Variants in ZNF316 observed in about 807,000 individuals in gnomAD.
ZNF316 encodes the protein zinc finger protein 316.
A neutral mutation model predicts 75.6 loss-of-function variants in ZNF316; 23 were observed. The observed-to-expected ratio is 0.30, with a 90% CI of 0.22 to 0.43. The LOEUF is 0.43. Ranked by LOEUF, ZNF316 falls within the 20% of genes least tolerant of loss-of-function variation. The pLI, the probability that ZNF316 is intolerant of heterozygous loss-of-function variation, is 1.00. For synonymous variants in ZNF316, 827 were observed against 666.2 expected (o/e 1.24, Z -3.72); for missense variants, 1,266 against 1,409.4 (o/e 0.90, Z 1.63).
chr7:6,645,632 C>G (rs1409465740), intron 8 of ZNF316, among the ~76,000 whole-genome samples: 1 of 148,986 alleles, frequency 6.7e-6, no homozygotes, highest in Non-Finnish European at 1.5e-5. Flanking sequence ...TGTAGTGAGC[C>G]GAGGTTGTAC....
chr7:6,653,274 G>A lies in ZNF316; in HGVS notation c.1678G>A (p.Ala560Thr), dbSNP rs1330846491. 8.1e-7 allele frequency: 1 copy of A among 1,227,940 alleles called. No individual in the cohort carries two copies. The highest frequency in any genetic ancestry group is 4.1e-5 in the South Asian group (1 of 24,322). The allele number at this position is 1,227,940 out of a possible 1,614,324, so 76.1% of individuals were successfully genotyped here. ...EAAAEEREEA[A>T]VAAPTPSGKV... ...CGCGGCCGAGGAGAGAGAGGAGGCG[G>A]CGGTGGCGGCGCCCACCCCCAGCGG... The change falls in exon 9 of 9, where the codon GCG becomes ACG. Residue 560 changes from alanine to threonine, a missense_variant. Ala to Thr is a moderately conservative substitution (Grantham distance 58). Around this residue, in one of 3 missense-constraint regions of ZNF316, gnomAD observed 961 missense variants for 990.9 expected, o/e 0.97. Transcript: ENST00000382252.
In ZNF316 at chr7:6,642,976, C is replaced by G. The variant is rs145062142; in HGVS notation, c.368C>G (p.Ser123Cys). Reference protein sequence around the residue: ...PVLQEKGLQASRAPATPRDED... With the variant: ...PVLQEKGLQACRAPATPRDED... ...TCTCTCCCCACAGGCCTGCAGGCCT[C>G]CCGGGCTCCAGCCACTCCTAGGGAT... The change falls in exon 6 of 9, where the codon TCC (serine) becomes TGC (cysteine). Residue 123 changes from serine (S) to cysteine (C), a missense_variant. Around this residue, in one of 3 missense-constraint regions of ZNF316, gnomAD observed 961 missense variants for 990.9 expected, o/e 0.97. Transcript: ENST00000382252. This position sits in a 1 kb window ranked among gnomAD's most constrained non-coding sequence, Gnocchi z 8.1. The G allele has an allele frequency of 0.02, 24,598 of 1,232,078 alleles. 284 individuals carry two copies. The highest frequency in any genetic ancestry group is 0.023 in the Middle Eastern group (80 of 3,434). 76.3% of individuals were successfully genotyped at this position (1,232,078 alleles called of 1,614,324 possible). A position where few individuals can be genotyped will look rare whatever the true frequency, so the allele number is the denominator to read the frequency against.
intron 7 of ZNF316, among the ~76,000 whole-genome samples, 176 bp from the exon 8 acceptor site, chr7:6,644,304 G>A (rs1779360274): frequency 6.6e-6 from 1 of 152,128 alleles, no homozygotes; most frequent in Non-Finnish European, 1.5e-5. Flanking sequence ...GGGCAGGGGA[G>A]GACAGGGAAA....
chr7:6,648,290 C>T (rs1779445501), intron 8 of ZNF316, among the ~76,000 whole-genome samples: 1 of 152,106 alleles, frequency 6.6e-6, no homozygotes, highest in African/African-American at 2.4e-5. Flanking sequence ...GGCCAGGGGC[C>T]TATCTAGGAT....
chr7:6,638,303 G>A (rs1440895518), intron 2 of ZNF316, among the ~76,000 whole-genome samples: 3 of 152,158 alleles, frequency 2.0e-5, no homozygotes, highest in African/African-American at 7.2e-5. Context: ...CAGGAAAGTA[G>A]GGGGATCCAG....
rs879690971 is a variant in ZNF316, at chr7:6,652,418, C to T, written c.822C>T (p.Tyr274=). Residue 274 remains tyrosine (Y), a synonymous_variant, in exon 9 of 9, where the codon TAC becomes TAT. Coordinates refer to ENST00000382252, the MANE Select transcript of ZNF316 (RefSeq NM_001278559.2). ...NEPPGLWSAA[Y]GVGDVPGTWG... ...CCCCAGGGCTCTGGTCGGCGGCCTA[C>T]GGCGTGGGGGACGTGCCTGGGACGT... The T allele has an allele frequency of 4.9e-6, 6 of 1,232,064 alleles. No homozygotes were observed. Among genetic ancestry groups the T allele is most frequent in the Admixed American group, 4.2e-5 (1 of 23,708 alleles). The allele number at this position is 1,232,064 out of a possible 1,614,324, so 76.3% of individuals were successfully genotyped here.
rs1380334671 is a variant in ZNF316 at position 6,653,168 on chromosome 7, G to A, written c.1572G>A (p.Thr524=). The stretch of plus-strand genomic sequence containing the variant: ...GCCCCCGGCGGGAGCCCGGCGAGAC[G>A]GCGGCCGCCGCGGGGCCCGAGGACA... ...GDGPRREPGE[T]AAAAGPEDTD... Residue 524 remains threonine (T), a synonymous_variant, in exon 9 of 9, where the codon ACG becomes ACA. Coordinates refer to ENST00000382252, the MANE Select transcript of ZNF316 (RefSeq NM_001278559.2). 16 of 1,199,284 alleles carry A rather than the reference G, an allele frequency of 1.3e-5. No individual in the cohort carries two copies. The highest frequency in any genetic ancestry group is 1.2e-5 in the Non-Finnish European group (12 of 967,520). The allele number at this position is 1,199,284 out of a possible 1,614,324, so 74.3% of individuals were successfully genotyped here.
At position 6,653,186 on chromosome 7, in the gene ZNF316, C is replaced by T. The variant is rs1779544820; in HGVS notation, c.1590C>T (p.Pro530=). The change falls in exon 9 of 9, where the codon CCC becomes CCT. Residue 530 remains proline (P), a synonymous_variant. Coordinates refer to ENST00000382252, the MANE Select transcript of ZNF316 (RefSeq NM_001278559.2). The part of the protein sequence containing the change: ...EPGETAAAAG[P]EDTDPGPEGS... ...GCGAGACGGCGGCCGCCGCGGGGCC[C>T]GAGGACACGGACCCTGGGCCAGAGG... 6 of 1,213,870 alleles carry T rather than the reference C, an allele frequency of 4.9e-6. No homozygotes were observed. Among genetic ancestry groups the T allele is most frequent in the Admixed American group, 4.3e-5 (1 of 22,998 alleles). The allele number at this position is 1,213,870 out of a possible 1,614,324, so 75.2% of individuals were successfully genotyped here. A position where few individuals can be genotyped will look rare whatever the true frequency, so the allele number is the denominator to read the frequency against.
At position 6,652,420 on chromosome 7, in the gene ZNF316, G is replaced by A. The variant is rs1779523132; in HGVS notation, c.824G>A (p.Gly275Asp). Residue 275 changes from glycine to aspartate, a missense_variant, in exon 9 of 9, where the codon GGC becomes GAC. By Grantham distance (94) the Gly-to-Asp change is moderately conservative (BLOSUM62 -1). Around this residue, in one of 3 missense-constraint regions of ZNF316, gnomAD observed 961 missense variants for 990.9 expected, o/e 0.97. Coordinates refer to ENST00000382252, the MANE Select transcript of ZNF316 (RefSeq NM_001278559.2). ...EPPGLWSAAY[G>D]VGDVPGTWGP... ...CCAGGGCTCTGGTCGGCGGCCTACG[G>A]CGTGGGGGACGTGCCTGGGACGTGG... 1.6e-6 allele frequency: 2 copies of A among 1,232,246 alleles called. No individual in the cohort carries two copies. The highest frequency in any genetic ancestry group is 2.0e-6 in the Non-Finnish European group (2 of 988,028). 76.3% of individuals were successfully genotyped at this position (1,232,246 alleles called of 1,614,324 possible).
At chr7:6,644,616 G>T in intron 8 of ZNF316, 23 bp downstream of exon 8, 1 of 1,205,560 alleles carries the variant, frequency 8.3e-7, no homozygotes, top group Admixed American at 4.2e-5. Flanking sequence ...GGAATTTTGC[G>T]GTTTGTGCCG....
chr7:6,656,040 C>T lies in ZNF316; in HGVS notation c.*1429C>T, dbSNP rs1779620335. 1 of 152,274 alleles carries T rather than the reference C, an allele frequency of 6.6e-6. No individual in the cohort carries two copies. The highest frequency in any genetic ancestry group is 1.5e-5 in the Non-Finnish European group (1 of 68,152). The allele number at this position is 152,274 out of a possible 1,614,324, so 9.4% of individuals were successfully genotyped here. ...CCCTCCACGTTAGTGTAGACATGGCCTTGGGGGCTGAGCGCAGCAGCCAGG... is the reference window on the plus strand; with the variant it reads ...CCCTCCACGTTAGTGTAGACATGGCTTTGGGGGCTGAGCGCAGCAGCCAGG... On this transcript the variant is annotated 3_prime_UTR_variant, in exon 9 of 9. Coordinates refer to ENST00000382252, the MANE Select transcript of ZNF316 (RefSeq NM_001278559.2).
rs1779543633 is a variant in ZNF316 at position 6,653,156 on chromosome 7, G to A, written c.1560G>A (p.Glu520=). ...CGGGTGGTGACGGCCCCCGGCGGGA[G>A]CCCGGCGAGACGGCGGCCGCCGCGG... ...AEAGGDGPRR[E]PGETAAAAGP... is the part of the protein sequence containing the mutation. Residue 520 remains glutamate (E), a synonymous_variant, in exon 9 of 9, where the codon GAG becomes GAA. Coordinates refer to ENST00000382252, the MANE Select transcript of ZNF316 (RefSeq NM_001278559.2). 8.4e-7 allele frequency: 1 copy of A among 1,187,796 alleles called. No homozygotes were observed. The highest frequency in any genetic ancestry group is 4.2e-5 in the South Asian group (1 of 24,024). 73.6% of individuals were successfully genotyped at this position (1,187,796 alleles called of 1,614,324 possible). A position where few individuals can be genotyped will look rare whatever the true frequency, so the allele number is the denominator to read the frequency against.
rs900945708 is a variant in ZNF316 at position 6,653,738 on chromosome 7, G to A, written c.2142G>A (p.Ala714=). The A allele has an allele frequency of 5.6e-5, 61 of 1,098,596 alleles. No individual in the cohort carries two copies. In the African/African-American group the frequency reaches 8.6e-4, roughly 16 times the overall value. The allele number at this position is 1,098,596 out of a possible 1,614,324, so 68.1% of individuals were successfully genotyped here. Residue 714 remains alanine (A), a synonymous_variant, in exon 9 of 9, where the codon GCG becomes GCA. Transcript: ENST00000382252. ...AALAKHQRYH[A]GERPHRCADC... ...TGGCCAAGCACCAGCGCTACCACGC[G>A]GGCGAGCGGCCGCATCGCTGCGCCG...
rs1311180563 is a variant in ZNF316, at chr7:6,657,568, T to C, written c.*2957T>C. On this transcript the variant is annotated 3_prime_UTR_variant, in exon 9 of 9. Transcript: ENST00000382252. ...AAATGAGGCTGGGTGCGATGGCTCA[T>C]GCCTGTAATCCCAGCACTATGGGAG... Among the ~76,000 whole-genome samples, 1 of 152,092 alleles carries C rather than the reference T, an allele frequency of 6.6e-6. No homozygotes were observed. The highest frequency in any genetic ancestry group is 2.4e-5 in the African/African-American group (1 of 41,410).
In ZNF316 at chr7:6,657,725, T is replaced by C. The variant is rs1303766304; in HGVS notation, c.*3114T>C. On this transcript the variant is annotated 3_prime_UTR_variant, in exon 9 of 9. Transcript: ENST00000382252. ...AGCTGGGTGTGGTGGCGCACGTCTA[T>C]AGTCCCAGCTACTCTGGAGGCTGAG... Among the ~76,000 whole-genome samples the C allele has an allele frequency of 6.7e-6, 1 of 148,938 alleles. No homozygotes were observed. Among genetic ancestry groups the C allele is most frequent in the African/African-American group, 2.5e-5 (1 of 40,300 alleles).
intron 3 of ZNF316, among the ~76,000 whole-genome samples, chr7:6,641,435 G>T (rs1349736868): frequency 6.6e-6 from 1 of 152,228 alleles, no homozygotes; most frequent in Non-Finnish European, 1.5e-5. Context: ...CTATGACTCT[G>T]CCGTGCCCTT....
In ZNF316 at chr7:6,642,447, C is replaced by T; in HGVS notation, c.38C>T (p.Ala13Val). Residue 13 changes from alanine (A) to valine (V), a missense_variant, in exon 5 of 9, where the codon GCC (alanine) becomes GTC (valine). This residue lies in a region of ZNF316 where 961 missense variants were observed against 990.9 expected (regional missense o/e 0.97). Coordinates refer to ENST00000382252, the MANE Select transcript of ZNF316 (RefSeq NM_001278559.2). This position sits in a 1 kb window ranked among gnomAD's most constrained non-coding sequence, Gnocchi z 8.1. ...ALHTTPDSPA[A>V]QLERAEDGSE... Reference sequence around the variant, plus strand: ...CACACGACTCCCGACTCCCCAGCTGCCCAGCTGGAGCGGGCAGAGGACGGG... The same window carrying T: ...CACACGACTCCCGACTCCCCAGCTGTCCAGCTGGAGCGGGCAGAGGACGGG... 8.1e-7 allele frequency: 1 copy of T among 1,232,212 alleles called. No individual in the cohort carries two copies. Among genetic ancestry groups the T allele is most frequent in the East Asian group, 3.2e-5 (1 of 31,692 alleles). 76.3% of individuals were successfully genotyped at this position (1,232,212 alleles called of 1,614,324 possible). A position where few individuals can be genotyped will look rare whatever the true frequency, so the allele number is the denominator to read the frequency against.
Position 6,652,424 on chromosome 7 carries a change from G to A in ZNF316, c.828G>A (p.Val276=), listed in dbSNP as rs1307377323. Residue 276 remains valine, a synonymous_variant, in exon 9 of 9, where the codon GTG becomes GTA. Coordinates refer to ENST00000382252, the MANE Select transcript of ZNF316 (RefSeq NM_001278559.2). ...PPGLWSAAYG[V]GDVPGTWGPD... is the part of the protein sequence containing the mutation. ...GGCTCTGGTCGGCGGCCTACGGCGT[G>A]GGGGACGTGCCTGGGACGTGGGGGC... 4.9e-6 allele frequency: 6 copies of A among 1,232,068 alleles called. No individual in the cohort carries two copies. Among genetic ancestry groups the A allele is most frequent in the Non-Finnish European group, 6.1e-6 (6 of 987,994 alleles). The allele number at this position is 1,232,068 out of a possible 1,614,324, so 76.3% of individuals were successfully genotyped here.
At chr7:6,643,194 G>A in intron 6 of ZNF316, 121 bp downstream of exon 6, 1 of 1,215,518 alleles carries the variant, frequency 8.2e-7, no homozygotes, top group Non-Finnish European at 1.0e-6. Flanking sequence ...CCCCGGACCA[G>A]GCCCAGGCCC....
Sources: gnomAD v4.1 joint callset for allele counts (sites outside exome capture counted in the v4.1 genomes callset) on GRCh38, gnomAD v4.1.1 for gene constraint, gnomAD v4.1.1 regional missense constraint, Gnocchi (gnomAD v3.1) non-coding constraint, MANE v1.5 for transcripts, NCBI Gene and HGNC (gene_info 2026-07-23, HGNC 2026-07-21) for gene names.